GALNT13: variants seen among roughly 807,000 people sequenced by gnomAD.
GALNT13 encodes UDP-GalNAc:polypeptide N-acetylgalactosaminyltransferase 13.
In GALNT13, 28 loss-of-function variants were observed where a neutral mutation model predicts 64.2. The observed-to-expected ratio is 0.44, with a 90% CI of 0.32 to 0.60. The LOEUF (loss-of-function observed/expected upper bound fraction) is 0.60. Ranked by LOEUF, GALNT13 falls within the 20% of genes least tolerant of loss-of-function variation. GALNT13 has a pLI of 0.05. For synonymous variants in GALNT13, 214 were observed against 224.6 expected, an observed-to-expected ratio of 0.95 and a Z score of 0.42; for missense variants, 577 against 669.8, an observed-to-expected ratio of 0.86 and a Z score of 1.53.
At chr2:153,211,306 C>A in the GALNT13 span, among the ~76,000 whole-genome samples, 1 of 151,894 alleles carries the variant, frequency 6.6e-6, no homozygotes, top group African/African-American at 2.4e-5. Context: ...CCATGCCCAA[C>A]TAATTTTTTG....
chr2:154,266,191 T>C (rs1294204234), intron 8 of GALNT13, among the ~76,000 whole-genome samples: 1 of 152,220 alleles, frequency 6.6e-6, no homozygotes, highest in Non-Finnish European at 1.5e-5. Context: ...AAACATTGAA[T>C]GCTTTCCTTC....
the GALNT13 span, among the ~76,000 whole-genome samples, chr2:153,300,472 G>A: frequency 1.3e-5 from 2 of 152,192 alleles, no homozygotes; most frequent in Admixed American, 1.3e-4. Flanking sequence ...TAATGGAAAT[G>A]GACAGGAAAG....
intron 3 of GALNT13, among the ~76,000 whole-genome samples, chr2:154,069,742 A>G (rs1192937984): frequency 6.6e-6 from 1 of 152,092 alleles, no homozygotes; most frequent in South Asian, 2.1e-4. Context: ...AAACTAGAGT[A>G]TAGAATAGAC....
intron 6 of GALNT13, among the ~76,000 whole-genome samples, chr2:154,243,457 A>G (rs887710174): frequency 6.6e-6 from 1 of 152,154 alleles, no homozygotes; most frequent in African/African-American, 2.4e-5. Context: ...ATGCACACAC[A>G]CAGCACTGAA....
At chr2:153,755,179 T>C in the GALNT13 span, among the ~76,000 whole-genome samples, 1 of 152,304 alleles carries the variant, frequency 6.6e-6, no homozygotes, top group East Asian at 1.9e-4. Flanking sequence ...TTTGATCTTA[T>C]AAAGGTTTCT....
intron 4 of GALNT13, among the ~76,000 whole-genome samples, chr2:154,206,689 C>A (rs775796202): frequency 6.6e-6 from 1 of 151,600 alleles, no homozygotes; most frequent in African/African-American, 2.4e-5. Flanking sequence ...CCCAGCTACT[C>A]AGGAGGCTGA....
chr2:153,555,974 G>A, the GALNT13 span, among the ~76,000 whole-genome samples: 7 of 152,162 alleles, frequency 4.6e-5, no homozygotes, highest in Non-Finnish European at 1.0e-4. Flanking sequence ...AAGGACAAAT[G>A]CCACTATAAA....
intron 11 of GALNT13, among the ~76,000 whole-genome samples, chr2:154,431,438 TGG>T (rs1700705642): frequency 2.0e-5 from 3 of 152,054 alleles, no homozygotes; most frequent in Non-Finnish European, 4.4e-5. Context: ...ATAATACAAC[TGG>T]GAAAAAAAAT....
At chr2:153,322,957 A>G in the GALNT13 span, among the ~76,000 whole-genome samples, 37 of 152,176 alleles carry the variant, frequency 2.4e-4, no homozygotes, top group Admixed American at 5.9e-4. Flanking sequence ...TTCAATAAAC[A>G]TACGTGTGCA....
chr2:153,907,163 T>G (rs1688622384), intron 2 of GALNT13, among the ~76,000 whole-genome samples: 1 of 151,708 alleles, frequency 6.6e-6, no homozygotes. Context: ...GTCAGATGAG[T>G]AGGTTGCGAA....
intron 3 of GALNT13, among the ~76,000 whole-genome samples, chr2:153,950,586 T>A (rs1228597087): frequency 6.6e-6 from 1 of 152,016 alleles, no homozygotes; most frequent in Non-Finnish European, 1.5e-5. Flanking sequence ...CCCAAGAAAA[T>A]TTTTCACATA....
intron 4 of GALNT13, among the ~76,000 whole-genome samples, chr2:154,175,600 C>CTTGGAA (rs1685602272): frequency 6.6e-6 from 1 of 151,944 alleles, no homozygotes; most frequent in Non-Finnish European, 1.5e-5. Context: ...GCCACAGGCT[C>CTTGGAA]CTTGGAAAAT....
At chr2:153,133,183 A>G in the GALNT13 span, among the ~76,000 whole-genome samples, 1 of 152,096 alleles carries the variant, frequency 6.6e-6, no homozygotes, top group Non-Finnish European at 1.5e-5. Context: ...CTGAAATCTC[A>G]GTCACACAAC....
Position 154,056,123 on chromosome 2 carries a change from A to G in GALNT13, c.143-84214A>G, listed in dbSNP as rs186179807. Among the ~76,000 whole-genome samples the G allele has an allele frequency of 7.7e-3, 1,169 of 152,234 alleles. 11 individuals are homozygous for G. Among genetic ancestry groups the G allele is most frequent in the Non-Finnish European group, 0.012 (844 of 67,980 alleles). On this transcript the variant is annotated intron_variant, in intron 3 of 12. Transcript: ENST00000392825. ...TATTGCTTAGAGCTGTGCAATTTTT[A>G]TATGCCTATTTAAAAAGAAAAAAAG...
At chr2:153,642,142 T>A in the GALNT13 span, among the ~76,000 whole-genome samples, 2 of 151,978 alleles carry the variant, frequency 1.3e-5, no homozygotes, top group East Asian at 3.9e-4. Flanking sequence ...CCCTCACTCA[T>A]TGTCAACTCA....
chr2:153,470,460 G>C, the GALNT13 span, among the ~76,000 whole-genome samples: 1 of 151,986 alleles, frequency 6.6e-6, no homozygotes, highest in Non-Finnish European at 1.5e-5. Context: ...AGTTCTCCCA[G>C]GAAAAAAATC....
chr2:154,059,159 T>G (rs369395789), intron 3 of GALNT13, among the ~76,000 whole-genome samples: 2 of 152,240 alleles, frequency 1.3e-5, no homozygotes, highest in African/African-American at 2.4e-5. Context: ...TACCGCAAAC[T>G]GAATGAAGGA....
chr2:154,404,645 C>T (rs1038644995), intron 10 of GALNT13, among the ~76,000 whole-genome samples: 2 of 152,114 alleles, frequency 1.3e-5, no homozygotes, highest in Non-Finnish European at 2.9e-5. Context: ...AAAAACTCCT[C>T]TCTAATATCT....
At chr2:153,369,209 T>A in the GALNT13 span, among the ~76,000 whole-genome samples, 2 of 152,084 alleles carry the variant, frequency 1.3e-5, no homozygotes, top group East Asian at 1.9e-4. Flanking sequence ...GAGCTTTTTT[T>A]AGGAAAAATT....
Sources: allele counts gnomAD v4.1 joint callset (sites outside exome capture counted in the v4.1 genomes callset), GRCh38; gene constraint gnomAD v4.1.1; transcripts MANE v1.5; gene names NCBI Gene and HGNC (gene_info 2026-07-23, HGNC 2026-07-21).